IQSEC3: variants seen among roughly 807,000 people sequenced by gnomAD.
IQSEC3 encodes the protein IQ motif and Sec7 domain ArfGEF 3.
Under a neutral mutation model 105.4 loss-of-function variants are expected in IQSEC3, and 50 were observed. That is an observed-to-expected ratio of 0.47 (90% CI 0.38 to 0.60). The LOEUF (loss-of-function observed/expected upper bound fraction) is 0.60, where lower values mean the gene tolerates loss of function less well. IQSEC3 is among the 20% of genes least tolerant of loss of function. The pLI is 0.00. For synonymous variants in IQSEC3, 708 were observed against 746.0 expected (o/e 0.95, Z 0.83); for missense variants, 1,415 against 1,630.0 (o/e 0.87, Z 2.27).
At chr12:171,185 G>A in intron 13 of IQSEC3, 24 bp downstream of exon 13, 1 of 1,614,100 alleles carries the variant, frequency 6.2e-7, no homozygotes, top group Non-Finnish European at 8.5e-7. Flanking sequence ...TGGTTGCCCA[G>A]GTGAGTGACT....
At chr12:81,516 G>A (rs1248170385) in intron 1 of IQSEC3, among the ~76,000 whole-genome samples, 2 of 152,188 alleles carry the variant, frequency 1.3e-5, no homozygotes, top group Non-Finnish European at 2.9e-5. Flanking sequence ...ACTTCCTGAG[G>A]GATCAGTGTG....
At chr12:73,041 G>A (rs1477061376) in intron 1 of IQSEC3, among the ~76,000 whole-genome samples, 6 of 132,064 alleles carry the variant, frequency 4.5e-5, no homozygotes, top group Non-Finnish European at 8.0e-5. Flanking sequence ...GCGACACTCT[G>A]CCTAAAATAT....
intron 5 of IQSEC3, among the ~76,000 whole-genome samples, chr12:145,895 C>T (rs781811420): frequency 2.6e-5 from 4 of 152,216 alleles, no homozygotes; most frequent in African/African-American, 9.6e-5. Context: ...ATCCCATGCA[C>T]GTGGAGAGCA....
intron 2 of IQSEC3, among the ~76,000 whole-genome samples, chr12:101,337 G>A (rs7306890): frequency 0.047 from 7,101 of 152,272 alleles, 551 homozygotes; most frequent in African/African-American, 0.16. Context: ...CCTCTCAAGG[G>A]GCTGGAGCTC....
intron 1 of IQSEC3, among the ~76,000 whole-genome samples, chr12:89,034 G>C (rs1186338974): frequency 6.6e-6 from 1 of 152,114 alleles, no homozygotes; most frequent in Non-Finnish European, 1.5e-5. Flanking sequence ...TAGGAGCCTT[G>C]TTTACCATGA....
At chr12:82,985 A>G (rs1291286672) in intron 1 of IQSEC3, among the ~76,000 whole-genome samples, 1 of 152,264 alleles carries the variant, frequency 6.6e-6, no homozygotes, top group African/African-American at 2.4e-5. Context: ...TGAGGCTCTC[A>G]GGAGGTTCTG....
chr12:72,193 C>G (rs1863345487), intron 1 of IQSEC3, among the ~76,000 whole-genome samples: 2 of 152,178 alleles, frequency 1.3e-5, no homozygotes, highest in South Asian at 4.1e-4. Flanking sequence ...TCCTGCTGGC[C>G]CAAAACCAAG....
At chr12:92,654 C>T (rs979585337) in intron 1 of IQSEC3, among the ~76,000 whole-genome samples, 20 of 152,344 alleles carry the variant, frequency 1.3e-4, no homozygotes, top group Admixed American at 7.8e-4. Flanking sequence ...CTAAAGGCCC[C>T]GCATCTCAGG....
intron 5 of IQSEC3, chr12:144,210 C>G (rs2137013112): frequency 6.6e-6 from 1 of 152,302 alleles, no homozygotes; most frequent in East Asian, 1.9e-4. Context: ...CAGAAAGTGG[C>G]AGGCACTAGC....
At chr12:69,835 T>C (rs1484035013) in intron 1 of IQSEC3, among the ~76,000 whole-genome samples, 8 of 152,260 alleles carry the variant, frequency 5.3e-5, no homozygotes, top group African/African-American at 1.9e-4. Context: ...TCTCTGCCCG[T>C]GGCCCGTTTT....
chr12:78,884 G>A (rs1555070065), intron 1 of IQSEC3, among the ~76,000 whole-genome samples: 1 of 152,092 alleles, frequency 6.6e-6, no homozygotes, highest in Admixed American at 6.5e-5. Context: ...GTGGCAGAAG[G>A]TGCTCTTTGA....
chr12:70,605 C>G (rs1688297133), intron 1 of IQSEC3, among the ~76,000 whole-genome samples: 2 of 152,274 alleles, frequency 1.3e-5, no homozygotes, highest in Non-Finnish European at 2.9e-5. Context: ...TATCCCTTTC[C>G]TGGCTGGTGC....
At chr12:147,207 C>T (rs1415403235) in intron 5 of IQSEC3, among the ~76,000 whole-genome samples, 2 of 152,142 alleles carry the variant, frequency 1.3e-5, no homozygotes, top group Admixed American at 6.5e-5. Context: ...CTAGAAGGGT[C>T]TTCCGGGGTG....
At chr12:79,890 T>C (rs1555070348) in intron 1 of IQSEC3, among the ~76,000 whole-genome samples, 1 of 152,214 alleles carries the variant, frequency 6.6e-6, no homozygotes, top group Non-Finnish European at 1.5e-5. Context: ...GCAAAATGTT[T>C]ATTTCTTTTT....
In IQSEC3 at chr12:139,154, G is replaced by GAGC; in HGVS notation, c.1802_1804dup (p.Ser601dup). 1.3e-6 allele frequency: 2 copies of GAGC among 1,556,456 alleles called. No individual in the cohort carries two copies. The highest frequency in any genetic ancestry group is 2.4e-5 in the East Asian group (1 of 41,416). On this transcript the variant is annotated inframe_insertion, in exon 4 of 14. Transcript: ENST00000538872. ...CCGAGGCAGGCGACTTGGAGCAGCTGAGCAGCAGCAGCACGTCCACCAAGT... is the reference window on the plus strand; with the variant it reads ...CCGAGGCAGGCGACTTGGAGCAGCTGAGCAGCAGCAGCAGCACGTCCACCAAGT...
intron 2 of IQSEC3, among the ~76,000 whole-genome samples, chr12:108,866 C>G (rs1313155102): frequency 5.3e-5 from 8 of 152,232 alleles, no homozygotes; most frequent in African/African-American, 1.9e-4. Context: ...AGGCACCATC[C>G]GTCTCCCTGG....
At chr12:170,765 C>T (rs182437340) in intron 12 of IQSEC3, among the ~76,000 whole-genome samples, 1 of 152,344 alleles carries the variant, frequency 6.6e-6, no homozygotes, top group Admixed American at 6.5e-5. Context: ...GCTCAAGGAG[C>T]CTGTGATCCA....
chr12:124,038 A>G (rs1172073511), intron 2 of IQSEC3, among the ~76,000 whole-genome samples: 2 of 152,160 alleles, frequency 1.3e-5, no homozygotes, highest in African/African-American at 4.8e-5. Flanking sequence ...TGGGGGACGT[A>G]ATGAAATAAC....
At position 125,919 on chromosome 12, in the gene IQSEC3, A is replaced by AG; in HGVS notation, c.903+10dup. On this transcript the variant is annotated splice_region_variant and intron_variant, in intron 3 of 13. Transcript: ENST00000538872. ...TGACCTAAAGAATAAACAGGTACCC[A>AG]GGGCCTCCTAGGGGGGCGGGGAGGG... is the stretch of plus-strand genomic sequence containing the variant. The AG allele has an allele frequency of 2.6e-6, 4 of 1,530,722 alleles. No homozygotes were observed. Among genetic ancestry groups the AG allele is most frequent in the Non-Finnish European group, 3.5e-6 (4 of 1,145,204 alleles). 94.8% of individuals were successfully genotyped at this position (1,530,722 alleles called of 1,614,324 possible).
Sources: allele counts gnomAD v4.1 joint callset (sites outside exome capture counted in the v4.1 genomes callset), GRCh38; gene constraint gnomAD v4.1.1; transcripts MANE v1.5; gene names NCBI Gene and HGNC (gene_info 2026-07-23, HGNC 2026-07-21).